The following SYNPR variants were observed in gnomAD, a reference collection of about 807,000 sequenced individuals.
SYNPR encodes synaptoporin.
In SYNPR, 23 loss-of-function variants were observed where a neutral mutation model predicts 32.9. That is an observed-to-expected ratio of 0.70 (90% CI 0.50 to 0.99). The LOEUF is 0.99. Among genes scored for constraint, SYNPR ranks in the 50% least tolerant of loss-of-function variants. SYNPR has a pLI of 0.00. For missense variants in SYNPR, 318 were observed against 349.3 expected, an observed-to-expected ratio of 0.91 and a Z score of 0.71; for synonymous variants, 146 against 135.9, an observed-to-expected ratio of 1.07 and a Z score of -0.52.
At chr3:63,387,714 A>C (rs1289203681) in intron 2 of SYNPR, among the ~76,000 whole-genome samples, 1 of 152,180 alleles carries the variant, frequency 6.6e-6, no homozygotes, top group Non-Finnish European at 1.5e-5. Context: ...CAAAAGAATA[A>C]GTGAGGGAAA....
intron 3 of SYNPR, among the ~76,000 whole-genome samples, chr3:63,484,849 C>A (rs111283012): frequency 6.6e-6 from 1 of 151,918 alleles, no homozygotes; most frequent in Non-Finnish European, 1.5e-5. Flanking sequence ...GTGAATACAA[C>A]GAAAATTTAT....
intron 2 of SYNPR, among the ~76,000 whole-genome samples, chr3:63,362,561 T>C (rs2087675496): frequency 6.6e-6 from 1 of 152,204 alleles, no homozygotes; most frequent in Non-Finnish European, 1.5e-5. Flanking sequence ...AGTGAGCAAG[T>C]AAAGTAACCT....
intron 3 of SYNPR, among the ~76,000 whole-genome samples, chr3:63,527,729 A>G (rs6770081): frequency 0.25 from 38,146 of 152,028 alleles, 4,943 homozygotes; most frequent in Admixed American, 0.33. Context: ...CCTGCTGTTT[A>G]AGCCCAGCAA....
upstream of SYNPR, among the ~76,000 whole-genome samples, chr3:63,276,908 C>CCCCACACA (rs2086580562): frequency 7.5e-6 from 1 of 133,222 alleles, no homozygotes. Flanking sequence ...CCCACCCCCC[C>CCCCACACA]CACCAACACA....
At chr3:63,522,802 C>T (rs1701940525) in intron 3 of SYNPR, among the ~76,000 whole-genome samples, 1 of 152,024 alleles carries the variant, frequency 6.6e-6, no homozygotes, top group African/African-American at 2.4e-5. Flanking sequence ...GGCAAGGGGT[C>T]CAGGGGAGGT....
At chr3:63,579,437 C>T (rs35388448) in intron 4 of SYNPR, among the ~76,000 whole-genome samples, 62,501 of 151,916 alleles carry the variant, frequency 0.41, 13,487 homozygotes, top group African/African-American at 0.54. Flanking sequence ...ACATACTTCA[C>T]TTTTATCTTT....
chr3:63,476,147 AAGGGAGGGAGGG>A (rs371319706), intron 2 of SYNPR, among the ~76,000 whole-genome samples: 1 of 20,316 alleles, frequency 4.9e-5, no homozygotes, highest in African/African-American at 4.5e-4. Context: ...GGAAGGAAGG[AAGGGAGGGAGGG>A]AGGGAGGGAG....
At chr3:63,352,238 T>C (rs913273503) in intron 2 of SYNPR, among the ~76,000 whole-genome samples, 1 of 152,124 alleles carries the variant, frequency 6.6e-6, no homozygotes, top group South Asian at 2.1e-4. Context: ...CTGTTCTTTT[T>C]TTTTCCTGTA....
intron 2 of SYNPR, among the ~76,000 whole-genome samples, chr3:63,425,301 A>G (rs556336943): frequency 6.6e-6 from 1 of 152,328 alleles, no homozygotes; most frequent in South Asian, 2.1e-4. Context: ...GATTGGTGGT[A>G]TACAGTAAAC....
chr3:63,388,094 G>A (rs980840565), intron 2 of SYNPR, among the ~76,000 whole-genome samples: 4 of 152,188 alleles, frequency 2.6e-5, no homozygotes, highest in Non-Finnish European at 5.9e-5. Context: ...CAGCTGGGGC[G>A]AGGGGCCTGA....
At chr3:63,359,915 T>C (rs552174156) in intron 2 of SYNPR, among the ~76,000 whole-genome samples, 21 of 152,262 alleles carry the variant, frequency 1.4e-4, no homozygotes, top group African/African-American at 4.8e-4. Context: ...GCAGGTTCAA[T>C]AAAAATCTAA....
chr3:63,279,458 GA>G, intron 2 of SYNPR, among the ~76,000 whole-genome samples: 1 of 152,280 alleles, frequency 6.6e-6, no homozygotes, highest in African/African-American at 2.4e-5. Context: ...CCACTTCCGT[GA>G]AACCACCCTG....
rs1375134130 is a variant in SYNPR at position 63,245,489 on chromosome 3, G to A, written n.67-7010G>A. Among the ~76,000 whole-genome samples, 4 of 151,966 alleles carry A rather than the reference G, an allele frequency of 2.6e-5. No individual in the cohort carries two copies. The East Asian group carries it at 7.7e-4, about 29-fold the overall frequency. On this transcript the variant is annotated intron_variant and non_coding_transcript_variant, in intron 1 of 4. Coordinates refer to the SYNPR transcript ENST00000478456. ...GGTGATAGAAAATATATTATTTTCA[G>A]TGGTGATACAGTTAACTAACCTGTC...
chr3:63,484,966 G>C (rs1230889180), intron 3 of SYNPR, among the ~76,000 whole-genome samples: 1 of 152,076 alleles, frequency 6.6e-6, no homozygotes, highest in Non-Finnish European at 1.5e-5. Context: ...GATGACAAAA[G>C]GAAAATAACA....
intron 4 of SYNPR, among the ~76,000 whole-genome samples, chr3:63,558,730 A>C (rs1702633716): frequency 6.6e-6 from 1 of 152,150 alleles, no homozygotes; most frequent in Non-Finnish European, 1.5e-5. Context: ...GTGATCACTC[A>C]ACCCAAAAGA....
At chr3:63,490,518 T>A (rs1315384715) in intron 3 of SYNPR, among the ~76,000 whole-genome samples, 1 of 151,982 alleles carries the variant, frequency 6.6e-6, no homozygotes, top group Non-Finnish European at 1.5e-5. Context: ...TGGTGGTGGG[T>A]TGGCCCAGGG....
At chr3:63,365,794 G>C (rs562781809) in intron 2 of SYNPR, among the ~76,000 whole-genome samples, 58 of 150,866 alleles carry the variant, frequency 3.8e-4, no homozygotes, top group African/African-American at 1.4e-3. Context: ...AAATGGGATA[G>C]ACAAAAACAT....
At chr3:63,238,467 TC>T (rs1448187539) in intron 1 of SYNPR, among the ~76,000 whole-genome samples, 1 of 151,982 alleles carries the variant, frequency 6.6e-6, no homozygotes, top group East Asian at 1.9e-4. Flanking sequence ...ACTCTCCGCG[TC>T]CCCCTTCCCT....
the SYNPR span, among the ~76,000 whole-genome samples, chr3:63,206,935 C>T: frequency 6.6e-6 from 1 of 152,150 alleles, no homozygotes; most frequent in Admixed American, 6.5e-5. Flanking sequence ...TATTATCTTG[C>T]TCTAATTGCC....
Sources: gnomAD v4.1 joint callset for allele counts (sites outside exome capture counted in the v4.1 genomes callset) on GRCh38, gnomAD v4.1.1 for gene constraint, MANE v1.5 for transcripts, NCBI Gene and HGNC (gene_info 2026-07-23, HGNC 2026-07-21) for gene names.